CYTH1: variants seen among roughly 807,000 people sequenced by gnomAD.
The protein encoded by CYTH1 is cytohesin 1, also known as cytohesin-1.
A neutral mutation model predicts 61.8 loss-of-function variants in CYTH1; 18 were observed. The observed-to-expected ratio is 0.29, with a 90% confidence interval of 0.20 to 0.43. The LOEUF is 0.43. Among genes scored for constraint, CYTH1 ranks in the 20% least tolerant of loss-of-function variants. CYTH1 has a pLI of 1.00. For synonymous variants in CYTH1, 174 were observed against 184.3 expected (o/e 0.94, Z 0.45); for missense variants, 336 against 510.5 (o/e 0.66, Z 3.29).
chr17:78,751,499 A>G (rs925027146), intron 1 of CYTH1, among the ~76,000 whole-genome samples: 1 of 152,160 alleles, frequency 6.6e-6, no homozygotes, highest in Non-Finnish European at 1.5e-5. Context: ...GTAATGCTAA[A>G]TAGACCACAT....
chr17:78,751,742 C>T (rs1274009132), intron 1 of CYTH1, among the ~76,000 whole-genome samples: 1 of 152,156 alleles, frequency 6.6e-6, no homozygotes, highest in African/African-American at 2.4e-5. Context: ...ACTGCATAAA[C>T]GAAGAAGGAA....
intron 1 of CYTH1, chr17:78,723,125 G>A (rs1388057719): frequency 6.6e-6 from 1 of 152,526 alleles, no homozygotes; most frequent in Non-Finnish European, 1.5e-5. Context: ...TCCTACTGCT[G>A]GCTGCTGGGT....
At chr17:78,681,875 C>A (rs924989167) in intron 11 of CYTH1, among the ~76,000 whole-genome samples, 18 of 151,380 alleles carry the variant, frequency 1.2e-4, no homozygotes, top group Non-Finnish European at 2.1e-4. Flanking sequence ...TCTATGAGTT[C>A]TCTAAAAGCG....
rs560159423 is a variant in CYTH1 at position 78,695,304 on chromosome 17, G to A, written c.814+703C>T. On this transcript the variant is annotated intron_variant, in intron 10 of 13. Coordinates refer to ENST00000446868, the MANE Select transcript of CYTH1 (RefSeq NM_004762.6). ...CAAAACAAAACATAACAACAGAGCCGAGGCTGTTAATACCCTTCTCTGATC... is the reference window on the plus strand; with the variant it reads ...CAAAACAAAACATAACAACAGAGCCAAGGCTGTTAATACCCTTCTCTGATC... Among the ~76,000 whole-genome samples, 3 of 152,300 alleles carry A rather than the reference G, an allele frequency of 2.0e-5. No homozygotes were observed. The South Asian group carries it at 6.2e-4, about 32-fold the overall frequency.
chr17:78,747,145 C>CAAAAAAA (rs56201341), intron 1 of CYTH1, among the ~76,000 whole-genome samples: 9 of 57,826 alleles, frequency 1.6e-4, no homozygotes, highest in East Asian at 5.8e-4. Context: ...ATGGCAGCGC[C>CAAAAAAA]AAAAAAAAAA....
intron 11 of CYTH1, 34 bp downstream of exon 11, chr17:78,692,383 T>G: frequency 6.2e-7 from 1 of 1,608,472 alleles, no homozygotes. Flanking sequence ...GCCTTGCCCA[T>G]CCCTAGTCTG....
intron 1 of CYTH1, among the ~76,000 whole-genome samples, chr17:78,709,992 G>A (rs1485504748): frequency 6.6e-6 from 1 of 152,222 alleles, no homozygotes; most frequent in Non-Finnish European, 1.5e-5. Flanking sequence ...GTTAAATTAG[G>A]TTGGCTATGA....
intron 1 of CYTH1, among the ~76,000 whole-genome samples, chr17:78,726,737 C>T (rs1314189013): frequency 6.6e-6 from 1 of 152,028 alleles, no homozygotes; most frequent in African/African-American, 2.4e-5. Context: ...TTCTATTCTG[C>T]TGTTGAGTTG....
intron 3 of CYTH1, among the ~76,000 whole-genome samples, chr17:78,706,588 G>T (rs1271488745): frequency 1.3e-5 from 2 of 152,212 alleles, no homozygotes; most frequent in Non-Finnish European, 2.9e-5. Context: ...GAATGCTATA[G>T]ATATTCTTGT....
intron 11 of CYTH1, 47 bp downstream of exon 11, chr17:78,692,370 G>A (rs373997238): frequency 6.3e-7 from 1 of 1,586,792 alleles, no homozygotes; most frequent in African/African-American, 1.3e-5. Flanking sequence ...CTTGGAACCG[G>A]AGGCCTTGCC....
In CYTH1 at chr17:78,760,835, A is replaced by T. The variant is rs1420012735; in HGVS notation, c.22+21367T>A. 1.2e-4 allele frequency among the ~76,000 whole-genome samples: 19 copies of T among 152,034 alleles called. No individual in the cohort carries two copies. In the East Asian group the frequency reaches 1.5e-3, roughly 12 times the overall value. The stretch of plus-strand genomic sequence containing the variant: ...TATCCCAGATGCTCCTCAACTTACA[A>T]TGGGGTTACTTCCCAATAAACCCAT... On this transcript the variant is annotated intron_variant, in intron 1 of 13. Coordinates refer to ENST00000446868, the MANE Select transcript of CYTH1 (RefSeq NM_004762.6).
At position 78,716,648 on chromosome 17, in the gene CYTH1, A is replaced by T. The variant is rs145446820; in HGVS notation, c.23-6916T>A. On this transcript the variant is annotated intron_variant, in intron 1 of 13. Coordinates refer to ENST00000446868, the MANE Select transcript of CYTH1 (RefSeq NM_004762.6). ...ATTTTTCTAGTGGAATTTTATTCTG[A>T]GATGAGGCAAAATCTAATATTTTAA... Among the ~76,000 whole-genome samples the T allele has an allele frequency of 2.8e-3, 425 of 152,352 alleles. 2 individuals carry two copies. The highest frequency in any genetic ancestry group is 9.2e-3 in the African/African-American group (383 of 41,574).
intron 11 of CYTH1, among the ~76,000 whole-genome samples, chr17:78,682,736 T>C (rs555754282): frequency 3.7e-4 from 57 of 152,340 alleles, no homozygotes; most frequent in African/African-American, 1.3e-3. Context: ...GCATTCAATA[T>C]CACCCTACAC....
At chr17:78,690,026 C>A (rs1201876170) in intron 11 of CYTH1, among the ~76,000 whole-genome samples, 1 of 151,876 alleles carries the variant, frequency 6.6e-6, no homozygotes, top group Admixed American at 6.6e-5. Context: ...TGCTTGGTTG[C>A]TATTTTTCCC....
chr17:78,675,821 AG>A lies in CYTH1; in HGVS notation c.*269del. The stretch of plus-strand genomic sequence containing the variant: ...AGAACACTGAGCAGAGAAACTGGCC[AG>A]GAGGCTGCCCTGCCGACAAGAGCTC... On this transcript the variant is annotated 3_prime_UTR_variant, in exon 14 of 14. Coordinates refer to ENST00000446868, the MANE Select transcript of CYTH1 (RefSeq NM_004762.6). 3 of 1,419,306 alleles carry A rather than the reference AG, an allele frequency of 2.1e-6. No homozygotes were observed. The highest frequency in any genetic ancestry group is 3.1e-5 in the South Asian group (2 of 65,082). The allele number at this position is 1,419,306 out of a possible 1,614,324, so 87.9% of individuals were successfully genotyped here.
At chr17:78,720,141 G>A (rs2093215663) in intron 1 of CYTH1, among the ~76,000 whole-genome samples, 1 of 151,986 alleles carries the variant, frequency 6.6e-6, no homozygotes, top group Non-Finnish European at 1.5e-5. Flanking sequence ...TTTCAGTTTT[G>A]CAAGATGAAA....
At chr17:78,747,999 C>A (rs1458290993) in intron 1 of CYTH1, among the ~76,000 whole-genome samples, 1 of 151,952 alleles carries the variant, frequency 6.6e-6, no homozygotes, top group African/African-American at 2.4e-5. Flanking sequence ...TTCAATAAAT[C>A]TCTGTTTTTG....
chr17:78,756,785 C>A (rs1220783481), intron 1 of CYTH1, among the ~76,000 whole-genome samples: 1 of 151,550 alleles, frequency 6.6e-6, no homozygotes, highest in East Asian at 1.9e-4. Context: ...TATGATCATG[C>A]CACTGCACTC....
intron 3 of CYTH1, among the ~76,000 whole-genome samples, chr17:78,703,702 T>A (rs1473041845): frequency 6.6e-6 from 1 of 152,204 alleles, no homozygotes; most frequent in Non-Finnish European, 1.5e-5. Context: ...GATTTTCAGA[T>A]CTGGCTTCTT....
Sources: allele counts gnomAD v4.1 joint callset (sites outside exome capture counted in the v4.1 genomes callset), GRCh38; gene constraint gnomAD v4.1.1; transcripts MANE v1.5; gene names NCBI Gene and HGNC (gene_info 2026-07-23, HGNC 2026-07-21).